Variants in GALNT13 observed in about 807,000 individuals in gnomAD.
GALNT13 encodes the protein polypeptide N-acetylgalactosaminyltransferase 13, also known as UDP-GalNAc:polypeptide N-acetylgalactosaminyltransferase 13.
Under a neutral mutation model 64.2 loss-of-function variants are expected in GALNT13, and 28 were observed. That is an observed-to-expected ratio of 0.44 (90% CI 0.32 to 0.60). The LOEUF (loss-of-function observed/expected upper bound fraction) is 0.60, where lower values mean the gene tolerates loss of function less well. GALNT13 is among the 20% of genes least tolerant of loss of function. The pLI, the probability that GALNT13 is intolerant of heterozygous loss-of-function variation, is 0.05. For synonymous variants in GALNT13, 214 were observed against 224.6 expected (o/e 0.95, Z 0.42); for missense variants, 577 against 669.8 (o/e 0.86, Z 1.53).
intron 3 of GALNT13, among the ~76,000 whole-genome samples, chr2:154,008,912 A>T (rs907141259): frequency 6.6e-6 from 1 of 152,150 alleles, no homozygotes; most frequent in Admixed American, 6.5e-5. Flanking sequence ...ATACGAGTGT[A>T]TGTGTTTTTA....
the GALNT13 span, among the ~76,000 whole-genome samples, chr2:153,182,259 T>A: frequency 6.6e-6 from 1 of 152,074 alleles, no homozygotes; most frequent in Non-Finnish European, 1.5e-5. Flanking sequence ...TTAGCCAGGA[T>A]GGTCTCTGTC....
In GALNT13 at chr2:154,036,768, G is replaced by A. The variant is rs117099547; in HGVS notation, c.142+92129G>A. Among the ~76,000 whole-genome samples, 108 of 152,232 alleles carry A rather than the reference G, an allele frequency of 7.1e-4. 2 individuals are homozygous for A. The East Asian group carries it at 0.016, about 23-fold the overall frequency. ...GGAAGGAACAAAATCCTGTAAGAGT[G>A]TAGGAAACCTGAGGATGGTCTACAA... On this transcript the variant is annotated intron_variant, in intron 3 of 12. Coordinates refer to ENST00000392825, the MANE Select transcript of GALNT13 (RefSeq NM_052917.4).
the GALNT13 span, among the ~76,000 whole-genome samples, chr2:153,808,236 A>G: frequency 5.2e-4 from 79 of 152,256 alleles, no homozygotes; most frequent in Non-Finnish European, 9.1e-4. Context: ...AATATTAGCA[A>G]TATTCTATAG....
chr2:154,437,832 C>T (rs1485205423), intron 11 of GALNT13: 5 of 194,224 alleles, frequency 2.6e-5, no homozygotes, highest in South Asian at 5.0e-5. Context: ...TCCAGCCTGA[C>T]GACAGAGCAA....
chr2:154,023,456 C>T lies in GALNT13; in HGVS notation c.142+78817C>T, dbSNP rs188848860. 3.9e-3 allele frequency among the ~76,000 whole-genome samples: 591 copies of T among 152,278 alleles called. 2 individuals carry two copies. The highest frequency in any genetic ancestry group is 0.014 in the African/African-American group (566 of 41,554). ...CCCTTTACCATTATGTGATGGCCTTCTTTGTCTCTTTTGATCTTTGTTGGT... is the reference window on the plus strand; with the variant it reads ...CCCTTTACCATTATGTGATGGCCTTTTTTGTCTCTTTTGATCTTTGTTGGT... On this transcript the variant is annotated intron_variant, in intron 3 of 12. Transcript: ENST00000392825.
the GALNT13 span, among the ~76,000 whole-genome samples, chr2:153,701,158 T>C: frequency 2.0e-5 from 3 of 151,956 alleles, no homozygotes; most frequent in Non-Finnish European, 2.9e-5. Flanking sequence ...TAAACACCAA[T>C]GGAACAGAAC....
At chr2:153,487,293 A>G in the GALNT13 span, among the ~76,000 whole-genome samples, 362 of 152,344 alleles carry the variant, frequency 2.4e-3, 12 homozygotes, top group East Asian at 0.062. Context: ...ATAGTCCAAC[A>G]TTTACTGTAT....
At chr2:153,435,310 G>A in the GALNT13 span, among the ~76,000 whole-genome samples, 1 of 151,942 alleles carries the variant, frequency 6.6e-6, no homozygotes, top group Non-Finnish European at 1.5e-5. Flanking sequence ...TGGCGATGCA[G>A]GCTCTTTTTT....
chr2:153,922,022 GA>G (rs1225994403), intron 2 of GALNT13, among the ~76,000 whole-genome samples: 1 of 152,002 alleles, frequency 6.6e-6, no homozygotes, highest in Non-Finnish European at 1.5e-5. Flanking sequence ...ATGACATATA[GA>G]AAAAAATCCA....
At chr2:154,120,340 T>C (rs1048667698) in intron 3 of GALNT13, among the ~76,000 whole-genome samples, 12 of 152,216 alleles carry the variant, frequency 7.9e-5, no homozygotes, top group Admixed American at 1.3e-4. Context: ...CTCTTTGCAA[T>C]CTGCAGTTGG....
chr2:153,376,573 C>T, the GALNT13 span, among the ~76,000 whole-genome samples: 1 of 151,946 alleles, frequency 6.6e-6, no homozygotes, highest in African/African-American at 2.4e-5. Context: ...TGAACACATA[C>T]AAACAGGGTA....
the GALNT13 span, among the ~76,000 whole-genome samples, chr2:153,189,556 A>G: frequency 6.6e-6 from 1 of 152,150 alleles, no homozygotes; most frequent in African/African-American, 2.4e-5. Context: ...TGTTATAATA[A>G]ACATAAGAGT....
the GALNT13 span, among the ~76,000 whole-genome samples, chr2:153,345,689 T>TTCTTTCTTTCTTTCTTTC: frequency 3.3e-4 from 45 of 137,614 alleles, 1 homozygote; most frequent in African/African-American, 1.2e-3. Flanking sequence ...CTTTCTTTCT[T>TTCTTTCTTTCTTTCTTTC]TCTTTCTTTC....
At chr2:154,290,893 C>T (rs535597958) in intron 8 of GALNT13, among the ~76,000 whole-genome samples, 19 of 151,638 alleles carry the variant, frequency 1.3e-4, no homozygotes, top group African/African-American at 2.7e-4. Flanking sequence ...AAAGGTGGCG[C>T]GTCTGGAGTT....
At chr2:154,337,341 T>C (rs1019269523) in intron 9 of GALNT13, among the ~76,000 whole-genome samples, 1 of 152,070 alleles carries the variant, frequency 6.6e-6, no homozygotes, top group Non-Finnish European at 1.5e-5. Context: ...TATTGGTAAA[T>C]TATGATGAGG....
chr2:153,110,767 G>A, the GALNT13 span, among the ~76,000 whole-genome samples: 3 of 152,112 alleles, frequency 2.0e-5, no homozygotes, highest in Non-Finnish European at 4.4e-5. Flanking sequence ...TCTTTGTATT[G>A]CTGTAATATA....
chr2:154,206,788 A>G (rs1276592996), intron 4 of GALNT13, among the ~76,000 whole-genome samples: 2 of 151,058 alleles, frequency 1.3e-5, no homozygotes, highest in African/African-American at 4.9e-5. Flanking sequence ...TGTCTCAAAA[A>G]ACAACAACAA....
the GALNT13 span, among the ~76,000 whole-genome samples, chr2:153,709,735 C>A: frequency 2.6e-5 from 4 of 151,966 alleles, no homozygotes; most frequent in African/African-American, 9.7e-5. Context: ...GTTATAAAAT[C>A]AACTTCAGTG....
the GALNT13 span, among the ~76,000 whole-genome samples, chr2:153,115,254 G>A: frequency 1.3e-5 from 2 of 152,072 alleles, no homozygotes; most frequent in East Asian, 3.9e-4. Context: ...AATGAACTTG[G>A]AAATTTTCCA....
Sources: gnomAD v4.1 joint callset for allele counts (sites outside exome capture counted in the v4.1 genomes callset) on GRCh38, gnomAD v4.1.1 for gene constraint, MANE v1.5 for transcripts, NCBI Gene and HGNC (gene_info 2026-07-23, HGNC 2026-07-21) for gene names.